The following UNC80 variants were observed in gnomAD, a reference collection of about 807,000 sequenced individuals.
UNC80 encodes the protein unc-80 subunit of NALCN channel complex, also known as protein unc-80 homolog.
A neutral mutation model predicts 384.6 loss-of-function variants in UNC80; 164 were observed. The observed-to-expected ratio is 0.43, with a 90% CI of 0.38 to 0.49. The LOEUF (loss-of-function observed/expected upper bound fraction) is 0.49, where lower values mean the gene tolerates loss of function less well. Among genes scored for constraint, UNC80 ranks in the 20% least tolerant of loss-of-function variants. The pLI is 0.00. For missense variants in UNC80, 3,330 were observed against 4,143.0 expected (o/e 0.80, Z 5.39); for synonymous variants, 1,486 against 1,527.8 (o/e 0.97, Z 0.64).
chr2:209,813,703 C>T lies in UNC80; in HGVS notation c.1062C>T (p.Tyr354=). Residue 354 remains tyrosine (Y), a synonymous_variant, in exon 8 of 65, where the codon TAC becomes TAT. Transcript: ENST00000673920. ...AAGGCACTCAGTGGTCTCTGATGTA[C>T]TATCTACAAAGGCTGCGACACATGT... ...SEEGTQWSLM[Y]YLQRLRHMLE... 6.4e-7 allele frequency: 1 copy of T among 1,551,778 alleles called. No homozygotes were observed. The highest frequency in any genetic ancestry group is 1.2e-5 in the South Asian group (1 of 84,054).
intron 25 of UNC80, among the ~76,000 whole-genome samples, chr2:209,881,353 G>A (rs1322848137): frequency 6.6e-6 from 1 of 152,098 alleles, no homozygotes; most frequent in Non-Finnish European, 1.5e-5. Flanking sequence ...TATCAATTAT[G>A]CTGGGAATAT....
In UNC80 at chr2:209,917,804, A is replaced by G; in HGVS notation, c.5057A>G (p.Lys1686Arg). Residue 1686 changes from lysine (K) to arginine (R), a missense_variant, in exon 32 of 65, where the codon AAG becomes AGG. Physicochemically the swap from Lys to Arg is conservative, Grantham distance 26 (BLOSUM62 2). Coordinates refer to ENST00000673920, the MANE Select transcript of UNC80 (RefSeq NM_001371986.1). ...GCCATGTTCCTGCTGTGTGCAGTGA[A>G]GGTGCCTGAGGCCGTGTCCGACATG... ...AAAMFLLCAV[K>R]VPEAVSDMLM... is the part of the protein sequence containing the mutation. 6.4e-7 allele frequency: 1 copy of G among 1,552,152 alleles called. No individual in the cohort carries two copies. Among genetic ancestry groups the G allele is most frequent in the Non-Finnish European group, 8.7e-7 (1 of 1,147,082 alleles).
intron 16 of UNC80, 121 bp from the exon 17 acceptor site, chr2:209,833,881 G>A: frequency 2.1e-6 from 2 of 955,180 alleles, no homozygotes; most frequent in Non-Finnish European, 3.1e-6. Flanking sequence ...AAACTGTCCT[G>A]TCTTAATGAT....
In UNC80 at chr2:209,839,513, C is replaced by T. The variant is rs1390042833; in HGVS notation, c.3250+83C>T. On this transcript the variant is annotated intron_variant, in intron 19 of 64. Transcript: ENST00000673920. This position sits in a 1 kb window ranked among gnomAD's most constrained non-coding sequence, Gnocchi z 4.1. ...TCAACTCAGTGATGCATAGTAGGGCCGAAAAAGAAGACCTTCAAGTCATAA... is the reference window on the plus strand; with the variant it reads ...TCAACTCAGTGATGCATAGTAGGGCTGAAAAAGAAGACCTTCAAGTCATAA... 5.0e-6 allele frequency: 7 copies of T among 1,405,966 alleles called. No homozygotes were observed. The highest frequency in any genetic ancestry group is 4.3e-5 in the Admixed American group (2 of 46,854). 87.1% of individuals were successfully genotyped at this position (1,405,966 alleles called of 1,614,324 possible). A position where few individuals can be genotyped will look rare whatever the true frequency, so the allele number is the denominator to read the frequency against.
At position 209,941,487 on chromosome 2, in the gene UNC80, C is replaced by G; in HGVS notation, c.6913C>G (p.Gln2305Glu). ...CCAGTGGATTCTCCCCACCATGCTGCAGGTGCCCAGAACCTCCTCTCCCAA... is the reference window on the plus strand; with the variant it reads ...CCAGTGGATTCTCCCCACCATGCTGGAGGTGCCCAGAACCTCCTCTCCCAA... ...GYQWILPTML[Q>E]VYSDYESNPQ... The change falls in exon 44 of 65, where the codon CAG becomes GAG. Residue 2305 changes from glutamine (Q) to glutamate (E), a missense_variant and splice_region_variant. Physicochemically the swap from Gln to Glu is conservative, Grantham distance 29. Transcript: ENST00000673920. The G allele has an allele frequency of 6.5e-7, 1 of 1,529,454 alleles. No individual in the cohort carries two copies. The allele number at this position is 1,529,454 out of a possible 1,614,324, so 94.7% of individuals were successfully genotyped here.
At chr2:209,898,250 T>C (rs1393375868) in intron 28 of UNC80, among the ~76,000 whole-genome samples, 1 of 152,066 alleles carries the variant, frequency 6.6e-6, no homozygotes, top group Non-Finnish European at 1.5e-5. Context: ...TTTCTTCTAC[T>C]TTTTTTGAGT....
At chr2:209,963,253 ATC>A (rs1402838221) in intron 51 of UNC80, among the ~76,000 whole-genome samples, 1 of 151,786 alleles carries the variant, frequency 6.6e-6, no homozygotes. Flanking sequence ...TGTGGTCTCT[ATC>A]TCTCTCATTC....
intron 51 of UNC80, 107 bp downstream of exon 51, chr2:209,959,814 A>G (rs2092534649): frequency 6.7e-6 from 7 of 1,039,036 alleles, no homozygotes; most frequent in Non-Finnish European, 9.7e-6. Flanking sequence ...AACTCTTAAT[A>G]TAGAATGATT....
intron 56 of UNC80, among the ~76,000 whole-genome samples, chr2:209,974,913 G>A (rs1028287689): frequency 6.6e-6 from 1 of 152,236 alleles, no homozygotes; most frequent in African/African-American, 2.4e-5. Context: ...AGAGAAAGAG[G>A]AGTGTTGTTT....
rs1289515305 is a variant in UNC80, at chr2:209,945,879, T to A, written c.7222T>A (p.Ser2408Thr). The change falls in exon 47 of 65, where the codon TCT becomes ACT. Residue 2408 changes from serine to threonine, a missense_variant. Physicochemically the swap from Ser to Thr is moderately conservative, Grantham distance 58. Coordinates refer to ENST00000673920, the MANE Select transcript of UNC80 (RefSeq NM_001371986.1). Reference sequence around the variant, plus strand: ...CTATGGAAACGAAGATCTGACATTTTCTATCAGTGAAGCCATTAAGCTCTG... The same window carrying A: ...CTATGGAAACGAAGATCTGACATTTACTATCAGTGAAGCCATTAAGCTCTG... ...FCYGNEDLTF[S>T]ISEAIKLCVT... The A allele has an allele frequency of 6.4e-7, 1 of 1,551,902 alleles. No homozygotes were observed. Among genetic ancestry groups the A allele is most frequent in the African/African-American group, 1.4e-5 (1 of 73,040 alleles).
intron 30 of UNC80, 23 bp downstream of exon 30, chr2:209,912,690 G>T: frequency 6.6e-7 from 1 of 1,510,434 alleles, no homozygotes; most frequent in African/African-American, 1.4e-5. Flanking sequence ...GGATCAGAAG[G>T]ATTCATGGAA....
intron 18 of UNC80, among the ~76,000 whole-genome samples, chr2:209,836,489 T>G (rs1427363368): frequency 1.3e-5 from 2 of 152,376 alleles, no homozygotes; most frequent in East Asian, 3.8e-4. Context: ...TTCCAAAATA[T>G]TCTTTTTGTT....
At position 209,973,247 on chromosome 2, in the gene UNC80, C is replaced by A. The variant is rs1381093816; in HGVS notation, c.8564C>A (p.Ser2855Tyr). The A allele has an allele frequency of 3.7e-5, 58 of 1,551,508 alleles. No homozygotes were observed. Among genetic ancestry groups the A allele is most frequent in the Non-Finnish European group, 4.7e-5 (54 of 1,146,966 alleles). Residue 2855 changes from serine (S) to tyrosine (Y), a missense_variant, in exon 56 of 65, where the codon TCC (serine) becomes TAC (tyrosine). Around this residue, in one of 8 missense-constraint regions of UNC80, gnomAD observed 1,049 missense variants for 1,488.6 expected, o/e 0.70. Coordinates refer to ENST00000673920, the MANE Select transcript of UNC80 (RefSeq NM_001371986.1). ...KDLRREGLAE[S>Y]TSQAAYLALK... ...TTGCGCAGGGAAGGGCTGGCTGAGT[C>A]CACCAGCCAAGCAGCATACTTGGGT...
At chr2:209,973,011 C>A in intron 55 of UNC80, 53 bp from the exon 56 acceptor site, 1 of 1,505,638 alleles carries the variant, frequency 6.6e-7, no homozygotes, top group Non-Finnish European at 9.0e-7. Flanking sequence ...TGTGGACAGT[C>A]TACCTTGTGA....
At chr2:209,796,255 C>T (rs1171864353) in intron 7 of UNC80, 1 of 152,146 alleles carries the variant, frequency 6.6e-6, no homozygotes, top group African/African-American at 2.4e-5. Context: ...TTGTTTTGGC[C>T]AATTTCTCCC....
intron 23 of UNC80, among the ~76,000 whole-genome samples, chr2:209,877,481 A>C (rs545121497): frequency 1.3e-5 from 2 of 152,312 alleles, no homozygotes; most frequent in South Asian, 2.1e-4. Context: ...TGACAGATAG[A>C]AAAAAATTGC....
intron 31 of UNC80, among the ~76,000 whole-genome samples, chr2:209,914,426 A>T (rs140645140): frequency 6.6e-6 from 1 of 152,304 alleles, no homozygotes; most frequent in Non-Finnish European, 1.5e-5. Context: ...TCATTTTTCC[A>T]CTTTTTATAC....
intron 4 of UNC80, among the ~76,000 whole-genome samples, chr2:209,783,442 G>A (rs1574424709): frequency 6.6e-6 from 1 of 152,232 alleles, no homozygotes; most frequent in East Asian, 1.9e-4. Context: ...GGTGCTACAG[G>A]CATTCAGGTC....
chr2:209,803,902 T>A (rs1250948683), intron 7 of UNC80, among the ~76,000 whole-genome samples: 1 of 152,104 alleles, frequency 6.6e-6, no homozygotes, highest in Non-Finnish European at 1.5e-5. Context: ...CCACTATTTT[T>A]AAAAACATTT....
Sources: gnomAD v4.1 joint callset for allele counts (sites outside exome capture counted in the v4.1 genomes callset) on GRCh38, gnomAD v4.1.1 for gene constraint, gnomAD v4.1.1 regional missense constraint, Gnocchi (gnomAD v3.1) non-coding constraint, MANE v1.5 for transcripts, NCBI Gene and HGNC (gene_info 2026-07-23, HGNC 2026-07-21) for gene names.